CD1D: variants seen among roughly 807,000 people sequenced by gnomAD.
CD1D encodes antigen-presenting glycoprotein CD1d.
Under a neutral mutation model 42.1 loss-of-function variants are expected in CD1D, and 40 were observed. That is an observed-to-expected ratio of 0.95 (90% CI 0.74 to 1.24). CD1D has a LOEUF of 1.24. CD1D is among the 50% of genes most tolerant of loss of function. The probability of loss-of-function intolerance (pLI) is 0.00; values close to 1 mark genes in which losing one functional copy is unlikely to be tolerated. For synonymous variants in CD1D, 178 were observed against 171.8 expected, an observed-to-expected ratio of 1.04 and a Z score of -0.28; for missense variants, 437 against 416.5, an observed-to-expected ratio of 1.05 and a Z score of -0.43.
upstream of CD1D, among the ~76,000 whole-genome samples, chr1:158,179,763 C>A (rs1217589486): frequency 6.6e-6 from 1 of 152,092 alleles, no homozygotes; most frequent in African/African-American, 2.4e-5. Context: ...AGGTCAAGAG[C>A]TTTCATGTAG....
In CD1D at chr1:158,184,123, T is replaced by C. The variant is rs746060729; in HGVS notation, c.987-6T>C. 5 of 1,614,132 alleles carry C rather than the reference T, an allele frequency of 3.1e-6. No homozygotes were observed. The highest frequency in any genetic ancestry group is 1.7e-5 in the Admixed American group (1 of 60,024). ...TAATGGTCTTTCCCTTTCTATTCTC[T>C]CACAGTTCCTATCAGGGCGTCCTGT... On this transcript the variant is annotated splice_region_variant and splice_polypyrimidine_tract_variant and intron_variant, in intron 5 of 5. Coordinates refer to ENST00000674085, the MANE Select transcript of CD1D (RefSeq NM_001371762.2).
chr1:158,182,218 C>A lies in CD1D; in HGVS notation c.515C>A (p.Thr172Lys), dbSNP rs536931854. The part of the protein sequence containing the change: ...AIQVLNQDKW[T>K]RETVQWLLNG... Reference sequence around the variant, plus strand: ...CAAGTGCTCAACCAGGACAAGTGGACGAGGGAAACAGTGCAGTGGCTCCTT... The same window carrying A: ...CAAGTGCTCAACCAGGACAAGTGGAAGAGGGAAACAGTGCAGTGGCTCCTT... Residue 172 changes from threonine (T) to lysine (K), a missense_variant, in exon 3 of 6, where the codon ACG becomes AAG. Thr to Lys is a moderately conservative substitution (Grantham distance 78). Coordinates refer to ENST00000674085, the MANE Select transcript of CD1D (RefSeq NM_001371762.2). 27 of 1,613,986 alleles carry A rather than the reference C, an allele frequency of 1.7e-5. No individual in the cohort carries two copies. The highest frequency in any genetic ancestry group is 1.3e-5 in the African/African-American group (1 of 74,888).
chr1:158,182,619 T>C (rs574377576), intron 3 of CD1D, among the ~76,000 whole-genome samples: 9 of 152,112 alleles, frequency 5.9e-5, no homozygotes, highest in Admixed American at 5.9e-4. Context: ...CAAAGGGTGT[T>C]ATAGGGGAAC....
chr1:158,184,252 T>G lies in CD1D; in HGVS notation c.*102T>G. On this transcript the variant is annotated 3_prime_UTR_variant, in exon 6 of 6. Transcript: ENST00000674085. Reference sequence around the variant, plus strand: ...CTCAGGAATTGAAGATGTAAGGAATTGAAGATAGGAGAGATACCTTGAAAA... The same window carrying G: ...CTCAGGAATTGAAGATGTAAGGAATGGAAGATAGGAGAGATACCTTGAAAA... The G allele has an allele frequency of 8.3e-7, 1 of 1,211,730 alleles. No homozygotes were observed. Among genetic ancestry groups the G allele is most frequent in the Non-Finnish European group, 1.2e-6 (1 of 827,812 alleles). The allele number at this position is 1,211,730 out of a possible 1,614,324, so 75.1% of individuals were successfully genotyped here.
intron 4 of CD1D, among the ~76,000 whole-genome samples, chr1:158,183,389 A>G (rs1333621481): frequency 6.6e-6 from 1 of 152,236 alleles, no homozygotes; most frequent in South Asian, 2.1e-4. Flanking sequence ...AAACAAGACT[A>G]CAAAACTCAG....
In CD1D at chr1:158,186,178, G is replaced by T. The variant is rs1648696047; in HGVS notation, c.*2028G>T. ...AGTTCAAGTGTGTAATGCCTTAAAA[G>T]ATGTGGAGGCTGTTGCTGTGTTTGG... On this transcript the variant is annotated 3_prime_UTR_variant, in exon 6 of 6. Transcript: ENST00000674085. 6.6e-6 allele frequency among the ~76,000 whole-genome samples: 1 copy of T among 152,148 alleles called. No individual in the cohort carries two copies. The highest frequency in any genetic ancestry group is 6.5e-5 in the Admixed American group (1 of 15,274).
upstream of CD1D, chr1:158,180,799 C>G (rs1648354467): frequency 2.7e-6 from 1 of 367,532 alleles, no homozygotes; most frequent in Non-Finnish European, 4.9e-6. Flanking sequence ...CACGTTGACC[C>G]AAAGTCTCCT....
At chr1:158,180,397 G>C (rs1051614530), upstream of CD1D, among the ~76,000 whole-genome samples, 1 of 152,158 alleles carries the variant, frequency 6.6e-6, no homozygotes, top group African/African-American at 2.4e-5. Context: ...AGACAGGGAA[G>C]ACAGAGCAGA....
At chr1:158,182,626 G>A (rs542104811) in intron 3 of CD1D, among the ~76,000 whole-genome samples, 1 of 152,250 alleles carries the variant, frequency 6.6e-6, no homozygotes, top group East Asian at 1.9e-4. Context: ...TGTTATAGGG[G>A]AACAGACAAG....
chr1:158,178,056 G>C (rs1648243674), upstream of CD1D, among the ~76,000 whole-genome samples: 1 of 152,232 alleles, frequency 6.6e-6, no homozygotes, highest in African/African-American at 2.4e-5. Flanking sequence ...TCCTGGGACT[G>C]GACGTCCGAG....
rs1648649559 is a variant in CD1D, at chr1:158,185,076, G to A, written c.*926G>A. On this transcript the variant is annotated 3_prime_UTR_variant, in exon 6 of 6. Transcript: ENST00000674085. ...TATTAAAAGAGACAATGTAGGGAAAGGGCCAACACCACTTGGGCAAGCATG... is the reference window on the plus strand; with the variant it reads ...TATTAAAAGAGACAATGTAGGGAAAAGGCCAACACCACTTGGGCAAGCATG... 1.3e-5 allele frequency among the ~76,000 whole-genome samples: 2 copies of A among 152,132 alleles called. No homozygotes were observed. Among genetic ancestry groups the A allele is most frequent in the Non-Finnish European group, 2.9e-5 (2 of 68,018 alleles).
At chr1:158,178,918 C>T (rs1009741289), upstream of CD1D, among the ~76,000 whole-genome samples, 1 of 152,138 alleles carries the variant, frequency 6.6e-6, no homozygotes, top group Non-Finnish European at 1.5e-5. Flanking sequence ...ACTCAACTGA[C>T]CTTTGGGAAA....
At position 158,182,024 on chromosome 1, in the gene CD1D, C is replaced by G; in HGVS notation, c.329-8C>G. ...CCTTCTTTGATCTTTCTCCATTCCT[C>G]TCCACAGATCCCTTGGAGCTCCAGG... On this transcript the variant is annotated splice_polypyrimidine_tract_variant and splice_region_variant and intron_variant, in intron 2 of 5. Transcript: ENST00000674085. 1 of 1,593,112 alleles carries G rather than the reference C, an allele frequency of 6.3e-7. No individual in the cohort carries two copies. Among genetic ancestry groups the G allele is most frequent in the Non-Finnish European group, 8.5e-7 (1 of 1,170,434 alleles).
chr1:158,183,004 A>C lies in CD1D; in HGVS notation c.734A>C (p.Gln245Pro). 6.2e-7 allele frequency: 1 copy of C among 1,614,090 alleles called. No homozygotes were observed. Among genetic ancestry groups the C allele is most frequent in the South Asian group, 1.1e-5 (1 of 91,084 alleles). ...WVKWMRGEQE[Q>P]QGTQPGDILP... ...AAGTGGATGCGGGGTGAGCAGGAGC[A>C]GCAGGGCACTCAGCCAGGGGACATC... The change falls in exon 4 of 6, where the codon CAG becomes CCG. Residue 245 changes from glutamine to proline, a missense_variant. Gln to Pro is a moderately conservative substitution (Grantham distance 76, BLOSUM62 -1). Coordinates refer to ENST00000674085, the MANE Select transcript of CD1D (RefSeq NM_001371762.2).
intron 4 of CD1D, among the ~76,000 whole-genome samples, chr1:158,183,462 G>A (rs1648554539): frequency 1.3e-5 from 2 of 152,216 alleles, no homozygotes; most frequent in Admixed American, 1.3e-4. Context: ...CTTAAAGGGA[G>A]CCAGGCCTTT....
rs569665603 is a variant in CD1D, at chr1:158,185,561, C to G, written c.*1411C>G. Among the ~76,000 whole-genome samples, 2 of 152,186 alleles carry G rather than the reference C, an allele frequency of 1.3e-5. No individual in the cohort carries two copies. Among genetic ancestry groups the G allele is most frequent in the African/African-American group, 4.8e-5 (2 of 41,528 alleles). ...AAAACTAGCCACCCATGGTGGTGAGCGCCTGTAGTCCTAGCTACTCTGGAG... is the reference window on the plus strand; with the variant it reads ...AAAACTAGCCACCCATGGTGGTGAGGGCCTGTAGTCCTAGCTACTCTGGAG... On this transcript the variant is annotated 3_prime_UTR_variant, in exon 6 of 6. Transcript: ENST00000674085.
rs192083807 is a variant in CD1D at position 158,185,431 on chromosome 1, A to G, written c.*1281A>G. Among the ~76,000 whole-genome samples, 8 of 152,304 alleles carry G rather than the reference A, an allele frequency of 5.3e-5. No homozygotes were observed. Among genetic ancestry groups the G allele is most frequent in the East Asian group, 1.9e-4 (1 of 5,186 alleles). ...TATCCCAAAGCACTTGGATATGCCT[A>G]TAATCCAAGTGCTTTGGGAGGCTGA... is the stretch of plus-strand genomic sequence containing the variant. On this transcript the variant is annotated 3_prime_UTR_variant, in exon 6 of 6. Transcript: ENST00000674085.
Position 158,184,777 on chromosome 1 carries a change from T to C in CD1D, c.*627T>C, listed in dbSNP as rs997021652. The C allele has an allele frequency of 1.3e-5, 2 of 152,336 alleles. No individual in the cohort carries two copies. Among genetic ancestry groups the C allele is most frequent in the Non-Finnish European group, 2.9e-5 (2 of 68,136 alleles). The allele number at this position is 152,336 out of a possible 1,614,324, so 9.4% of individuals were successfully genotyped here. ...GGCAGTTGGAGGACACAGTTTCTATTGTAAATTTGGATTTACGACTGAAGA... is the reference window on the plus strand; with the variant it reads ...GGCAGTTGGAGGACACAGTTTCTATCGTAAATTTGGATTTACGACTGAAGA... On this transcript the variant is annotated 3_prime_UTR_variant, in exon 6 of 6. Coordinates refer to ENST00000674085, the MANE Select transcript of CD1D (RefSeq NM_001371762.2).
At chr1:158,180,824 T>C, upstream of CD1D, 1 of 389,072 alleles carries the variant, frequency 2.6e-6, no homozygotes, top group East Asian at 3.7e-5. Flanking sequence ...AACAGGAAAT[T>C]GAGACACGCC....
Sources: allele counts gnomAD v4.1 joint callset (sites outside exome capture counted in the v4.1 genomes callset), GRCh38; gene constraint gnomAD v4.1.1; transcripts MANE v1.5; gene names NCBI Gene and HGNC (gene_info 2026-07-23, HGNC 2026-07-21).